Variants in GYPC observed in about 807,000 individuals in gnomAD.
The protein encoded by GYPC is glycophorin-C.
Under a neutral mutation model 12.6 loss-of-function variants are expected in GYPC, and 14 were observed. That is an observed-to-expected ratio of 1.11 (90% CI 0.74 to 1.74). The LOEUF (loss-of-function observed/expected upper bound fraction) is 1.74. Ranked by LOEUF, GYPC falls within the 40% of genes most tolerant of loss-of-function variation. The probability of loss-of-function intolerance (pLI) is 0.00; values close to 1 mark genes in which losing one functional copy is unlikely to be tolerated. For synonymous variants in GYPC, 78 were observed against 62.1 expected, an observed-to-expected ratio of 1.26 and a Z score of -1.20; for missense variants, 225 against 172.1, an observed-to-expected ratio of 1.31 and a Z score of -1.72.
At chr2:126,685,821 A>T in intron 1 of GYPC, 1 of 985,284 alleles carries the variant, frequency 1.0e-6, no homozygotes, top group Non-Finnish European at 1.2e-6. Context: ...AAGGTTTGTC[A>T]TTGCAGGAAG....
chr2:126,691,924 T>C lies in GYPC; in HGVS notation c.106+1613T>C, dbSNP rs557473038. 4.6e-5 allele frequency among the ~76,000 whole-genome samples: 7 copies of C among 152,294 alleles called. No individual in the cohort carries two copies. In the East Asian group the frequency reaches 1.4e-3, roughly 29 times the overall value. On this transcript the variant is annotated intron_variant, in intron 2 of 3. Transcript: ENST00000259254. ...CATCCATGCCTACTTAAGCAAGGTG[T>C]TATTCTTTCTTTCTGAACTTTGAGG...
rs1157747875 is a variant in GYPC at position 126,694,066 on chromosome 2, C to T, written c.190+119C>T. On this transcript the variant is annotated intron_variant, in intron 3 of 3. Coordinates refer to ENST00000259254, the MANE Select transcript of GYPC (RefSeq NM_002101.5). ...GTGGCTGTGGCCATTTTTTCTCTCC[C>T]TCAGAGGTGGTTTTGAATGTGGAAT... 7 of 745,248 alleles carry T rather than the reference C, an allele frequency of 9.4e-6. No individual in the cohort carries two copies. In the East Asian group the frequency reaches 1.5e-4, roughly 16 times the overall value. 46.2% of individuals were successfully genotyped at this position (745,248 alleles called of 1,614,324 possible).
intron 1 of GYPC, among the ~76,000 whole-genome samples, chr2:126,664,655 T>C (rs545075980): frequency 3.3e-5 from 5 of 152,338 alleles, no homozygotes; most frequent in African/African-American, 1.2e-4. Context: ...AAGGGACCCA[T>C]AAGGTAAAGC....
intron 3 of GYPC, among the ~76,000 whole-genome samples, chr2:126,694,719 G>C (rs1367124519): frequency 1.3e-5 from 2 of 151,744 alleles, no homozygotes; most frequent in African/African-American, 2.4e-5. Context: ...TTCTATAAAG[G>C]TGGGACTTGG....
At chr2:126,693,159 G>A (rs1343835955) in intron 2 of GYPC, among the ~76,000 whole-genome samples, 1 of 152,254 alleles carries the variant, frequency 6.6e-6, no homozygotes, top group Non-Finnish European at 1.5e-5. Context: ...GATCCCTCAT[G>A]CATACATTAA....
At chr2:126,659,619 AGGATGCT>A (rs2104767057) in intron 1 of GYPC, among the ~76,000 whole-genome samples, 1 of 152,246 alleles carries the variant, frequency 6.6e-6, no homozygotes, top group South Asian at 2.1e-4. Flanking sequence ...ACCTGGCCTG[AGGATGCT>A]GGTAATTTCA....
chr2:126,684,030 A>G (rs1683221238), intron 1 of GYPC, among the ~76,000 whole-genome samples: 2 of 152,182 alleles, frequency 1.3e-5, no homozygotes, highest in African/African-American at 4.8e-5. Context: ...TTGATACCGC[A>G]GCAGCAGATA....
Position 126,696,063 on chromosome 2 carries a change from A to C in GYPC, c.308A>C (p.Glu103Ala). The part of the protein sequence containing the change: ...TNEAKGTEFA[E>A]SADAALQGDP... ...GAGGCCAAGGGCACGGAGTTTGCTG[A>C]GAGTGCAGATGCAGCCCTGCAGGGA... Residue 103 changes from glutamate to alanine, a missense_variant, in exon 4 of 4, where the codon GAG (glutamate) becomes GCG (alanine). Transcript: ENST00000259254. The C allele has an allele frequency of 1.2e-6, 2 of 1,614,140 alleles. No homozygotes were observed. The highest frequency in any genetic ancestry group is 1.7e-6 in the Non-Finnish European group (2 of 1,179,944).
In GYPC at chr2:126,689,350, A is replaced by C. The variant is rs527923900; in HGVS notation, c.50-905A>C. Among the ~76,000 whole-genome samples, 14 of 152,306 alleles carry C rather than the reference A, an allele frequency of 9.2e-5. No individual in the cohort carries two copies. The South Asian group carries it at 2.9e-3, about 32-fold the overall frequency. On this transcript the variant is annotated intron_variant, in intron 1 of 3. Transcript: ENST00000259254. Reference sequence around the variant, plus strand: ...GTTCTTCCTGTGAGATGGGCCAATAACACCAGGCACCTCATAGGATGGATG... The same window carrying C: ...GTTCTTCCTGTGAGATGGGCCAATACCACCAGGCACCTCATAGGATGGATG...
intron 1 of GYPC, chr2:126,675,709 G>A (rs1369386828): frequency 4.1e-6 from 4 of 984,438 alleles, no homozygotes; most frequent in African/African-American, 3.5e-5. Flanking sequence ...TTCTTAGTCT[G>A]ATCTTCAGGA....
intron 1 of GYPC, among the ~76,000 whole-genome samples, chr2:126,683,319 CA>C (rs143036975): frequency 2.0e-5 from 3 of 148,330 alleles, no homozygotes; most frequent in African/African-American, 5.0e-5. Context: ...GACTCTGTCT[CA>C]AAAAAAAAAG....
chr2:126,660,387 C>A (rs550670131), intron 1 of GYPC, among the ~76,000 whole-genome samples: 1 of 152,342 alleles, frequency 6.6e-6, no homozygotes, highest in African/African-American at 2.4e-5. Context: ...AGGCTTGCTG[C>A]CTTTCCAGCT....
intron 1 of GYPC, among the ~76,000 whole-genome samples, chr2:126,684,754 G>A (rs1180493754): frequency 2.0e-5 from 3 of 152,188 alleles, no homozygotes; most frequent in South Asian, 2.1e-4. Context: ...GCACAATTAT[G>A]AGCATCCCCA....
At chr2:126,689,728 G>T (rs1170676191) in intron 1 of GYPC, among the ~76,000 whole-genome samples, 3 of 152,108 alleles carry the variant, frequency 2.0e-5, no homozygotes, top group Admixed American at 6.5e-5. Context: ...CCATGAGTGG[G>T]AGCAGTATGA....
rs539749165 is a variant in GYPC, at chr2:126,667,645, C to T, written c.49+11333C>T. Among the ~76,000 whole-genome samples, 336 of 152,232 alleles carry T rather than the reference C, an allele frequency of 2.2e-3. 3 individuals are homozygous for T. The highest frequency in any genetic ancestry group is 7.8e-3 in the African/African-American group (325 of 41,542). On this transcript the variant is annotated intron_variant, in intron 1 of 3. Coordinates refer to ENST00000259254, the MANE Select transcript of GYPC (RefSeq NM_002101.5). ...CTCAAACTCCCGACCTCAGGTGATC[C>T]GCCCGCCTTGGCCTCCCAAAGTGCT...
intron 1 of GYPC, 35 bp downstream of exon 1, chr2:126,656,347 C>T (rs752046683): frequency 4.5e-5 from 69 of 1,543,380 alleles, no homozygotes; most frequent in Middle Eastern, 4.6e-4. Flanking sequence ...TCCTGGGGAC[C>T]CACTGGAGGC....
chr2:126,695,935 C>G lies in GYPC; in HGVS notation c.191-11C>G. 1 of 1,612,646 alleles carries G rather than the reference C, an allele frequency of 6.2e-7. No homozygotes were observed. On this transcript the variant is annotated splice_polypyrimidine_tract_variant and intron_variant, in intron 3 of 3. Transcript: ENST00000259254. ...CCTCAGACTGACCCTTGCACCTCTT[C>G]CCACCTGCAGGTGTGATTGCTGCTG... is the stretch of plus-strand genomic sequence containing the variant.
At position 126,696,034 on chromosome 2, in the gene GYPC, C is replaced by T. The variant is rs758907933; in HGVS notation, c.279C>T (p.Thr93=). ...YMYRHKGTYH[T]NEAKGTEFAE... The stretch of plus-strand genomic sequence containing the variant: ...ACCGGCACAAGGGCACGTACCACAC[C>T]AATGAGGCCAAGGGCACGGAGTTTG... Residue 93 remains threonine (T), a synonymous_variant, in exon 4 of 4, where the codon ACC becomes ACT. Transcript: ENST00000259254. The T allele has an allele frequency of 8.7e-6, 14 of 1,613,982 alleles. No homozygotes were observed. The highest frequency in any genetic ancestry group is 1.0e-5 in the Non-Finnish European group (12 of 1,179,926).
chr2:126,678,387 A>G (rs12692117), intron 1 of GYPC: 145,685 of 152,330 alleles, frequency 0.96, 69,700 homozygotes, highest in East Asian at 1. Context: ...CACTACCCAC[A>G]ACCTTCACAG....
Sources: allele counts gnomAD v4.1 joint callset (sites outside exome capture counted in the v4.1 genomes callset), GRCh38; gene constraint gnomAD v4.1.1; transcripts MANE v1.5; gene names NCBI Gene and HGNC (gene_info 2026-07-23, HGNC 2026-07-21).